The following M1AP variants were observed in gnomAD, a reference collection of about 807,000 sequenced individuals.
M1AP encodes the protein meiosis 1 arrest protein.
In M1AP, 39 loss-of-function variants were observed where a neutral mutation model predicts 51.2. The observed-to-expected ratio is 0.76, with a 90% confidence interval of 0.59 to 1.00. The LOEUF is 1.00. M1AP is among the 50% of genes least tolerant of loss of function. The pLI, the probability that M1AP is intolerant of heterozygous loss-of-function variation, is 0.00. For synonymous variants in M1AP, 251 were observed against 249.2 expected (o/e 1.01, Z -0.07); for missense variants, 545 against 641.2 (o/e 0.85, Z 1.62).
intron 4 of M1AP, among the ~76,000 whole-genome samples, chr2:74,588,410 T>C (rs1487305685): frequency 6.6e-6 from 1 of 152,218 alleles, no homozygotes; most frequent in Non-Finnish European, 1.5e-5. Flanking sequence ...GTCTACTCTC[T>C]GAATACAGGA....
At position 74,648,299 on chromosome 2, in the gene M1AP, C is replaced by T. The variant is rs549721977; in HGVS notation, c.-87G>A. On this transcript the variant is annotated 5_prime_UTR_variant, in exon 1 of 11. Coordinates refer to ENST00000421985, the MANE Select transcript of M1AP (RefSeq NM_001321739.2). The stretch of plus-strand genomic sequence containing the variant: ...GAAGACGGAGGCCCCCTCACCTGGT[C>T]CTCCCGGCTCTCAGCGTGCGCCCGC... 1.7e-4 allele frequency: 169 copies of T among 985,382 alleles called. No individual in the cohort carries two copies. The highest frequency in any genetic ancestry group is 2.0e-4 in the Non-Finnish European group (162 of 829,974). 61.0% of individuals were successfully genotyped at this position (985,382 alleles called of 1,614,324 possible).
intron 7 of M1AP, among the ~76,000 whole-genome samples, chr2:74,572,434 C>T (rs1380632683): frequency 6.6e-6 from 1 of 152,194 alleles, no homozygotes; most frequent in African/African-American, 2.4e-5. Flanking sequence ...AAGCCTTCCA[C>T]CTCAGACTCC....
intron 2 of M1AP, among the ~76,000 whole-genome samples, chr2:74,632,498 T>C (rs758803964): frequency 6.6e-6 from 1 of 152,116 alleles, no homozygotes; most frequent in Non-Finnish European, 1.5e-5. Flanking sequence ...CTCAGTACTT[T>C]TCCACTCCTA....
intron 8 of M1AP, among the ~76,000 whole-genome samples, chr2:74,561,109 G>A (rs1558643608): frequency 5.2e-5 from 6 of 115,958 alleles, no homozygotes; most frequent in African/African-American, 2.1e-4. Flanking sequence ...GGAGGAGGAG[G>A]AGAAGGAGGA....
intron 4 of M1AP, among the ~76,000 whole-genome samples, chr2:74,591,065 T>C (rs1573107825): frequency 1.3e-5 from 2 of 152,300 alleles, no homozygotes; most frequent in East Asian, 3.9e-4. Context: ...AATGAAATAA[T>C]GACACTTGAC....
chr2:74,609,349 G>A (rs1252316267), intron 3 of M1AP, among the ~76,000 whole-genome samples: 1 of 152,094 alleles, frequency 6.6e-6, no homozygotes, highest in Non-Finnish European at 1.5e-5. Flanking sequence ...TTAATATAAT[G>A]TTCTCTAGAC....
rs575221983 is a variant in M1AP, at chr2:74,560,767, C to T, written c.1282-476G>A. 7.9e-5 allele frequency among the ~76,000 whole-genome samples: 12 copies of T among 152,144 alleles called. 1 individual carries two copies. The East Asian group carries it at 9.7e-4, about 12-fold the overall frequency. On this transcript the variant is annotated intron_variant, in intron 8 of 10. Coordinates refer to ENST00000421985, the MANE Select transcript of M1AP (RefSeq NM_001321739.2). ...AACATTCCTGTGCAGTCAGGTTTTC[C>T]GGCCACAACATCCTGTGCCAGGAAC... is the stretch of plus-strand genomic sequence containing the variant.
intron 2 of M1AP, among the ~76,000 whole-genome samples, chr2:74,633,810 G>A (rs919772457): frequency 2.6e-5 from 4 of 152,122 alleles, no homozygotes; most frequent in African/African-American, 9.7e-5. Context: ...GCCCTCTTCA[G>A]ACAGTTCCCT....
Position 74,558,609 on chromosome 2 carries a change from C to CAA in M1AP, c.*106_*107insTT. On this transcript the variant is annotated 3_prime_UTR_variant, in exon 11 of 11. Coordinates refer to ENST00000421985, the MANE Select transcript of M1AP (RefSeq NM_001321739.2). ...TGTTGTTTCCCAGTCAGCCCTCACT[C>CAA]ACAGAGGCTCAGGCGGATAGAGAGC... The CAA allele has an allele frequency of 2.2e-6, 3 of 1,358,534 alleles. No individual in the cohort carries two copies. The highest frequency in any genetic ancestry group is 3.1e-6 in the Non-Finnish European group (3 of 983,072). The allele number at this position is 1,358,534 out of a possible 1,614,324, so 84.2% of individuals were successfully genotyped here.
At chr2:74,563,606 T>TAAAAAAAA (rs750014043) in intron 7 of M1AP, among the ~76,000 whole-genome samples, 40 of 54,198 alleles carry the variant, frequency 7.4e-4, no homozygotes, top group Middle Eastern at 0.014. Context: ...TCTCAAAACA[T>TAAAAAAAA]AAAAAAAAAA....
At chr2:74,647,546 G>A in intron 1 of M1AP, 1 of 299,094 alleles carries the variant, frequency 3.3e-6, no homozygotes, top group Non-Finnish European at 4.9e-6. Flanking sequence ...CCTGATGTGA[G>A]AAAAAAATCA....
rs145070644 is a variant in M1AP, at chr2:74,569,909, C to CGTGTGT, written c.1074+5523_1074+5528dup. On this transcript the variant is annotated intron_variant, in intron 7 of 10. Coordinates refer to ENST00000421985, the MANE Select transcript of M1AP (RefSeq NM_001321739.2). The stretch of plus-strand genomic sequence containing the variant: ...GTGTGTGTATGTGTGTGTGTGCATG[C>CGTGTGT]GTGTGTGTGTGTGTGTGTGTGTGTG... 9.9e-4 allele frequency among the ~76,000 whole-genome samples: 142 copies of CGTGTGT among 143,354 alleles called. 1 individual carries two copies. Among genetic ancestry groups the CGTGTGT allele is most frequent in the African/African-American group, 3.2e-3 (126 of 39,444 alleles). 94.0% of individuals were successfully genotyped at this position (143,354 alleles called of 152,430 possible). A position where few individuals can be genotyped will look rare whatever the true frequency, so the allele number is the denominator to read the frequency against.
chr2:74,576,614 A>G lies in M1AP; in HGVS notation c.774T>C (p.Cys258=), dbSNP rs752008624. The change falls in exon 6 of 11, where the codon TGT becomes TGC. Residue 258 remains cysteine (C), a synonymous_variant. Coordinates refer to ENST00000421985, the MANE Select transcript of M1AP (RefSeq NM_001321739.2). ...GTCGCTCTTGGAGATCACATTTCAG[A>G]CACACTACAATAAAAGGAGATTACA... The part of the protein sequence containing the change: ...NISRPRDNPM[C]LKCDLQERLL... 6 of 1,613,888 alleles carry G rather than the reference A, an allele frequency of 3.7e-6. No homozygotes were observed. Among genetic ancestry groups the G allele is most frequent in the African/African-American group, 1.3e-5 (1 of 74,930 alleles).
rs191517961 is a variant in M1AP at position 74,589,096 on chromosome 2, A to C, written c.596-7249T>G. Among the ~76,000 whole-genome samples, 511 of 152,386 alleles carry C rather than the reference A, an allele frequency of 3.4e-3. 1 individual carries two copies. The highest frequency in any genetic ancestry group is 5.0e-3 in the South Asian group (24 of 4,832). On this transcript the variant is annotated intron_variant, in intron 4 of 10. Transcript: ENST00000421985. ...CGCGCGTGCATGCATGTGAAGTTTTAGCTTGGCTGGCCAGGGAAGTATTCT... is the reference window on the plus strand; with the variant it reads ...CGCGCGTGCATGCATGTGAAGTTTTCGCTTGGCTGGCCAGGGAAGTATTCT...
chr2:74,597,657 G>A (rs1680421034), intron 4 of M1AP, among the ~76,000 whole-genome samples: 1 of 152,186 alleles, frequency 6.6e-6, no homozygotes, highest in African/African-American at 2.4e-5. Context: ...TGGTTTGCGA[G>A]CACTTAGAAA....
At position 74,620,180 on chromosome 2, in the gene M1AP, G is replaced by T. The variant is rs115929303; in HGVS notation, c.241-5031C>A. ...TGACAAGGACGACATTCATTTAAAT[G>T]AGAATGAACCCTCCTAGATAATGTA... is the stretch of plus-strand genomic sequence containing the variant. On this transcript the variant is annotated intron_variant, in intron 2 of 10. Transcript: ENST00000421985. Among the ~76,000 whole-genome samples the T allele has an allele frequency of 3.3e-3, 509 of 152,258 alleles. 10 individuals are homozygous for T. Among genetic ancestry groups the T allele is most frequent in the African/African-American group, 0.011 (474 of 41,546 alleles).
chr2:74,619,034 GA>G, intron 2 of M1AP: 1 of 493,320 alleles, frequency 2.0e-6, no homozygotes, highest in Admixed American at 2.2e-5. Flanking sequence ...TCATCGGCAG[GA>G]AAAAGGTAAA....
At chr2:74,618,460 G>A (rs551812471) in intron 2 of M1AP, among the ~76,000 whole-genome samples, 1 of 152,336 alleles carries the variant, frequency 6.6e-6, no homozygotes, top group Non-Finnish European at 1.5e-5. Context: ...ATGCTCTTCA[G>A]ACTGTAGCAG....
At chr2:74,618,541 G>A (rs1160138934) in intron 2 of M1AP, among the ~76,000 whole-genome samples, 1 of 152,150 alleles carries the variant, frequency 6.6e-6, no homozygotes, top group Non-Finnish European at 1.5e-5. Context: ...AACAATCCTC[G>A]ATCCTCAGGC....
Sources: allele counts gnomAD v4.1 joint callset (sites outside exome capture counted in the v4.1 genomes callset), GRCh38; gene constraint gnomAD v4.1.1; transcripts MANE v1.5; gene names NCBI Gene and HGNC (gene_info 2026-07-23, HGNC 2026-07-21).